The following AGR3 variants were observed in gnomAD, a reference collection of about 807,000 sequenced individuals.
AGR3 encodes the protein anterior gradient protein 3.
Under a neutral mutation model 24.5 loss-of-function variants are expected in AGR3, and 37 were observed. That is an observed-to-expected ratio of 1.51 (90% CI 1.16 to 1.99). The LOEUF is 1.99. Ranked by LOEUF, AGR3 falls within the 30% of genes most tolerant of loss-of-function variation. AGR3 has a pLI of 0.00. For missense variants in AGR3, 228 were observed against 191.1 expected, an observed-to-expected ratio of 1.19 and a Z score of -1.14; for synonymous variants, 75 against 61.6, an observed-to-expected ratio of 1.22 and a Z score of -1.02.
chr7:16,859,715 G>T lies in AGR3; in HGVS notation c.452-84C>A, dbSNP rs551351955. 6.8e-6 allele frequency: 6 copies of T among 885,078 alleles called. No homozygotes were observed. In the South Asian group the frequency reaches 8.7e-5, roughly 13 times the overall value. 54.8% of individuals were successfully genotyped at this position (885,078 alleles called of 1,614,324 possible). A position where few individuals can be genotyped will look rare whatever the true frequency, so the allele number is the denominator to read the frequency against. On this transcript the variant is annotated intron_variant, in intron 7 of 7. Transcript: ENST00000310398. ...TCTATTAACTCTAGAACCTGAAATT[G>T]GCCCATTTAAATTAATAGCTTTGAA...
chr7:16,881,259 C>T (rs1473897966), intron 1 of AGR3, among the ~76,000 whole-genome samples: 2 of 152,102 alleles, frequency 1.3e-5, no homozygotes, highest in African/African-American at 4.8e-5. Context: ...GTATTATTGT[C>T]AAATACTTTC....
At chr7:16,879,958 C>T (rs1782070226) in intron 1 of AGR3, among the ~76,000 whole-genome samples, 1 of 152,028 alleles carries the variant, frequency 6.6e-6, no homozygotes, top group Non-Finnish European at 1.5e-5. Flanking sequence ...AGTGGTGTAT[C>T]TATTGCAGCC....
rs747857026 is a variant in AGR3 at position 16,860,485 on chromosome 7, T to C, written c.451+15A>G. The C allele has an allele frequency of 2.9e-5, 46 of 1,594,312 alleles. No individual in the cohort carries two copies. The highest frequency in any genetic ancestry group is 3.9e-5 in the Non-Finnish European group (45 of 1,162,248). ...CAGCTATGACCACTGTTTGAGATCA[T>C]TTGTGAATACTTACATAGGGGTAAA... On this transcript the variant is annotated intron_variant, in intron 7 of 7. Transcript: ENST00000310398.
chr7:16,878,558 C>T lies in AGR3; in HGVS notation c.61G>A (p.Ala21Thr). ...CTCTTTTCCTTTTTTATTGCAATGG[C>T]AAGGTTGGAAGAAACTGTGACGAGT... The part of the protein sequence containing the change: ...LLLVTVSSNL[A>T]IAIKKEKRPP... The change falls in exon 2 of 8, where the codon GCC becomes ACC. Residue 21 changes from alanine to threonine, a missense_variant. Transcript: ENST00000310398. The T allele has an allele frequency of 6.2e-7, 1 of 1,614,012 alleles. No individual in the cohort carries two copies. Among genetic ancestry groups the T allele is most frequent in the Non-Finnish European group, 8.5e-7 (1 of 1,179,984 alleles).
intron 2 of AGR3, among the ~76,000 whole-genome samples, chr7:16,875,731 T>C (rs1324843484): frequency 6.6e-6 from 1 of 152,088 alleles, no homozygotes; most frequent in Non-Finnish European, 1.5e-5. Context: ...ACCAGCAACA[T>C]TTTTGTTTTT....
chr7:16,872,393 T>C (rs1016105697), intron 3 of AGR3, among the ~76,000 whole-genome samples: 1 of 152,204 alleles, frequency 6.6e-6, no homozygotes, highest in African/African-American at 2.4e-5. Flanking sequence ...CTGGAAAACC[T>C]GGATATCCAT....
rs986424635 is a variant in AGR3 at position 16,861,913 on chromosome 7, A to AG, written c.303+70_303+71insC. The AG allele has an allele frequency of 1.1e-4, 150 of 1,398,466 alleles. No homozygotes were observed. In the Middle Eastern group the frequency reaches 1.7e-3, roughly 16 times the overall value. 86.6% of individuals were successfully genotyped at this position (1,398,466 alleles called of 1,614,324 possible). A position where few individuals can be genotyped will look rare whatever the true frequency, so the allele number is the denominator to read the frequency against. ...GAGACTCTGTCTAAAAAAAAAAAAA[A>AG]AAAAGAAAAAAACGGATTCAAAATT... On this transcript the variant is annotated intron_variant, in intron 5 of 7. Transcript: ENST00000310398.
chr7:16,870,206 T>G (rs1490684627), intron 3 of AGR3, among the ~76,000 whole-genome samples: 1 of 152,066 alleles, frequency 6.6e-6, no homozygotes, highest in African/African-American at 2.4e-5. Flanking sequence ...TAACAAGTTT[T>G]TTTGGATGTG....
At chr7:16,873,701 T>A in intron 3 of AGR3, 79 bp downstream of exon 3, 1 of 1,118,158 alleles carries the variant, frequency 8.9e-7, no homozygotes, top group South Asian at 1.3e-5. Context: ...AGCATATCAC[T>A]CTATATTCCA....
chr7:16,873,122 A>G (rs1389702820), intron 3 of AGR3, among the ~76,000 whole-genome samples: 1 of 152,154 alleles, frequency 6.6e-6, no homozygotes, highest in Non-Finnish European at 1.5e-5. Context: ...AAATCAGTAT[A>G]TCAAAGAGAT....
chr7:16,871,903 T>G (rs1244560863), intron 3 of AGR3, among the ~76,000 whole-genome samples: 1 of 151,114 alleles, frequency 6.6e-6, no homozygotes, highest in Non-Finnish European at 1.5e-5. Flanking sequence ...ACCAAGGAGG[T>G]GAAAGATCCC....
chr7:16,880,046 C>G (rs554101911), intron 1 of AGR3, among the ~76,000 whole-genome samples: 1 of 151,668 alleles, frequency 6.6e-6, no homozygotes, highest in Admixed American at 6.6e-5. Flanking sequence ...TTGTCCCTCC[C>G]TCCTTCCCTT....
chr7:16,861,311 AT>A lies in AGR3; in HGVS notation c.367+72del, dbSNP rs1391057651. Reference sequence around the variant, plus strand: ...TAAAAAGAATAGTACTTGAACTAGCATTTAAAAATAAAAGCAAGAATGCTGA... The same window carrying A: ...TAAAAAGAATAGTACTTGAACTAGCATTAAAAATAAAAGCAAGAATGCTGA... On this transcript the variant is annotated intron_variant, in intron 6 of 7. Coordinates refer to ENST00000310398, the MANE Select transcript of AGR3 (RefSeq NM_176813.5). The A allele has an allele frequency of 1.8e-5, 21 of 1,182,586 alleles. No individual in the cohort carries two copies. In the East Asian group the frequency reaches 5.4e-4, roughly 30 times the overall value. The allele number at this position is 1,182,586 out of a possible 1,614,324, so 73.3% of individuals were successfully genotyped here.
chr7:16,873,665 A>G (rs1178966740), intron 3 of AGR3, 115 bp downstream of exon 3: 1 of 769,890 alleles, frequency 1.3e-6, no homozygotes, highest in Non-Finnish European at 2.1e-6. Context: ...CACTGATTTG[A>G]TCACTACACA....
intron 2 of AGR3, among the ~76,000 whole-genome samples, chr7:16,877,838 G>C (rs573326318): frequency 6.1e-4 from 91 of 148,238 alleles, no homozygotes; most frequent in African/African-American, 2.2e-3. Flanking sequence ...ACTCCAGCCT[G>C]GGTGACAGAG....
intron 3 of AGR3, chr7:16,864,291 T>C: frequency 7.4e-7 from 1 of 1,355,532 alleles, no homozygotes. Context: ...CATAGTCTTC[T>C]ATTATTATAT....
chr7:16,877,261 A>G (rs1782001837), intron 2 of AGR3, among the ~76,000 whole-genome samples: 1 of 146,444 alleles, frequency 6.8e-6, no homozygotes. Flanking sequence ...TTATAATATA[A>G]CACAAATGTA....
At chr7:16,864,917 C>A in intron 3 of AGR3, 1 of 920,260 alleles carries the variant, frequency 1.1e-6, no homozygotes, top group East Asian at 2.4e-5. Context: ...ACAATATCAT[C>A]AATTTCCATG....
intron 3 of AGR3, among the ~76,000 whole-genome samples, chr7:16,863,075 GACAA>G (rs1781681354): frequency 6.6e-6 from 1 of 152,148 alleles, no homozygotes; most frequent in African/African-American, 2.4e-5. Flanking sequence ...GTCTCAAACA[GACAA>G]ACAAACAAAA....
Sources: gnomAD v4.1 joint callset for allele counts (sites outside exome capture counted in the v4.1 genomes callset) on GRCh38, gnomAD v4.1.1 for gene constraint, MANE v1.5 for transcripts, NCBI Gene and HGNC (gene_info 2026-07-23, HGNC 2026-07-21) for gene names.